The following PLD5 variants were observed in gnomAD, a reference collection of about 807,000 sequenced individuals.
PLD5 encodes phospholipase D family member 5, also known as inactive phospholipase D5.
A neutral mutation model predicts 61.1 loss-of-function variants in PLD5; 36 were observed. That is an observed-to-expected ratio of 0.59 (90% CI 0.45 to 0.78). The LOEUF is 0.78. Ranked by LOEUF, PLD5 falls within the 30% of genes least tolerant of loss-of-function variation. The pLI, the probability that PLD5 is intolerant of heterozygous loss-of-function variation, is 0.00. For missense variants in PLD5, 515 were observed against 644.4 expected (o/e 0.80, Z 2.17); for synonymous variants, 243 against 242.8 (o/e 1.00, Z -0.01).
chr1:242,274,174 A>C (rs1674274732), intron 3 of PLD5, among the ~76,000 whole-genome samples: 1 of 152,266 alleles, frequency 6.6e-6, no homozygotes, highest in African/African-American at 2.4e-5. Flanking sequence ...AAAAGATACT[A>C]CAAAGTTAAT....
chr1:242,085,257 A>G lies in PLD5; in HGVS notation c.*4597T>C, dbSNP rs191298944. 31 of 152,296 alleles carry G rather than the reference A, an allele frequency of 2.0e-4. No individual in the cohort carries two copies. Among genetic ancestry groups the G allele is most frequent in the Admixed American group, 1.8e-3 (28 of 15,300 alleles). 9.4% of individuals were successfully genotyped at this position (152,296 alleles called of 1,614,324 possible). A position where few individuals can be genotyped will look rare whatever the true frequency, so the allele number is the denominator to read the frequency against. ...GTAACTTTTTTTTTTCAAATTGCCA[A>G]AAGAAGCGTTAATGACCAGTGAAGT... is the stretch of plus-strand genomic sequence containing the variant. On this transcript the variant is annotated 3_prime_UTR_variant, in exon 10 of 10. Transcript: ENST00000536534.
chr1:242,230,137 T>C (rs1235584315), intron 4 of PLD5, among the ~76,000 whole-genome samples: 2 of 152,176 alleles, frequency 1.3e-5, no homozygotes. Context: ...CTCACAATGT[T>C]GACAGCTTCA....
intron 5 of PLD5, among the ~76,000 whole-genome samples, chr1:242,181,105 A>ATGCTGAGAACCACT (rs1667489834): frequency 6.6e-6 from 1 of 152,232 alleles, no homozygotes; most frequent in South Asian, 2.1e-4. Flanking sequence ...GCTAGAAGTC[A>ATGCTGAGAACCACT]GTGCTTCTAG....
intron 1 of PLD5, among the ~76,000 whole-genome samples, chr1:242,440,049 AT>A (rs1666200824): frequency 1.3e-5 from 2 of 152,208 alleles, no homozygotes; most frequent in South Asian, 4.1e-4. Flanking sequence ...ACCATACATA[AT>A]AATTGGAAAC....
chr1:242,118,298 C>T (rs1558239442), intron 6 of PLD5, among the ~76,000 whole-genome samples: 1 of 152,156 alleles, frequency 6.6e-6, no homozygotes, highest in African/African-American at 2.4e-5. Context: ...AATGAATGGC[C>T]TGTTTGCTGG....
chr1:242,434,227 A>G (rs1430427598), intron 1 of PLD5, among the ~76,000 whole-genome samples: 1 of 152,242 alleles, frequency 6.6e-6, no homozygotes, highest in Non-Finnish European at 1.5e-5. Context: ...GATGGCGGTC[A>G]GTTTCTGGAT....
chr1:242,394,833 AAT>A (rs199779933), intron 1 of PLD5, among the ~76,000 whole-genome samples: 6 of 127,802 alleles, frequency 4.7e-5, no homozygotes, highest in Non-Finnish European at 9.4e-5. Context: ...CATATATGTG[AAT>A]ATATATACAT....
intron 6 of PLD5, among the ~76,000 whole-genome samples, chr1:242,121,788 G>A (rs1662383671): frequency 6.6e-6 from 1 of 152,234 alleles, no homozygotes; most frequent in East Asian, 1.9e-4. Context: ...CACATCCTTT[G>A]TAGGGACATG....
chr1:242,123,301 A>G (rs1662527354), intron 6 of PLD5, among the ~76,000 whole-genome samples: 1 of 152,214 alleles, frequency 6.6e-6, no homozygotes, highest in Non-Finnish European at 1.5e-5. Flanking sequence ...AGACCAAAAC[A>G]CTTTGAATAT....
chr1:242,378,330 A>G (rs1292023309), intron 1 of PLD5, among the ~76,000 whole-genome samples: 1 of 152,156 alleles, frequency 6.6e-6, no homozygotes, highest in Admixed American at 6.5e-5. Context: ...AAAAAAGTAG[A>G]ACAGTGATTA....
intron 5 of PLD5, among the ~76,000 whole-genome samples, chr1:242,148,910 C>T (rs1574396020): frequency 6.6e-6 from 1 of 151,852 alleles, no homozygotes; most frequent in African/African-American, 2.4e-5. Flanking sequence ...GTTTTAGTAA[C>T]TTTTTAATAG....
intron 5 of PLD5, among the ~76,000 whole-genome samples, chr1:242,186,307 C>T (rs945650368): frequency 1.3e-5 from 2 of 152,006 alleles, no homozygotes; most frequent in African/African-American, 2.4e-5. Context: ...CTCAGCCTCC[C>T]GAGTAGCTGG....
chr1:242,430,432 C>T (rs1315963754), intron 1 of PLD5, among the ~76,000 whole-genome samples: 1 of 152,160 alleles, frequency 6.6e-6, no homozygotes, highest in Non-Finnish European at 1.5e-5. Context: ...GCCCCACCCT[C>T]ATGACATCAT....
chr1:242,310,205 T>G (rs1340401972), intron 2 of PLD5, among the ~76,000 whole-genome samples: 2 of 152,130 alleles, frequency 1.3e-5, no homozygotes, highest in East Asian at 1.9e-4. Context: ...CATTCTGGTC[T>G]CATGTTCCCT....
intron 5 of PLD5, among the ~76,000 whole-genome samples, chr1:242,146,479 C>G (rs10803017): frequency 0.35 from 52,763 of 151,898 alleles, 9,333 homozygotes; most frequent in African/African-American, 0.36. Context: ...CCTAAAAAAA[C>G]CCTACCTTAA....
Position 242,215,222 on chromosome 1 carries a change from T to C in PLD5, c.735+4766A>G, listed in dbSNP as rs1160979130. ...TCTTTTAACTTTTGCATTTATATGA[T>C]GGCCCACAAAAATTAAAACTGATAA... On this transcript the variant is annotated intron_variant, in intron 5 of 9. Coordinates refer to ENST00000536534, the MANE Select transcript of PLD5 (RefSeq NM_001372062.1). 1.3e-3 allele frequency among the ~76,000 whole-genome samples: 192 copies of C among 151,704 alleles called. 6 individuals are homozygous for C. The highest frequency in any genetic ancestry group is 0.012 in the Admixed American group (181 of 14,882).
intron 8 of PLD5, among the ~76,000 whole-genome samples, chr1:242,106,401 A>C (rs1050420824): frequency 6.6e-6 from 1 of 152,182 alleles, no homozygotes; most frequent in African/African-American, 2.4e-5. Context: ...AGGGTTCTCT[A>C]TGAGGCAAGA....
chr1:242,388,734 A>T lies in PLD5; in HGVS notation c.190-40492T>A, dbSNP rs1470770470. ...GAGATTGGGAGGCCGTGGTGGGTGGATCACGAGGTCAGGAGTTCAAGACCA... is the reference window on the plus strand; with the variant it reads ...GAGATTGGGAGGCCGTGGTGGGTGGTTCACGAGGTCAGGAGTTCAAGACCA... On this transcript the variant is annotated intron_variant, in intron 1 of 9. Coordinates refer to ENST00000536534, the MANE Select transcript of PLD5 (RefSeq NM_001372062.1). 2.0e-5 allele frequency among the ~76,000 whole-genome samples: 3 copies of T among 152,232 alleles called. No individual in the cohort carries two copies. The East Asian group carries it at 5.8e-4, about 29-fold the overall frequency.
intron 1 of PLD5, among the ~76,000 whole-genome samples, chr1:242,495,204 C>T (rs1361300550): frequency 6.6e-6 from 1 of 152,032 alleles, no homozygotes; most frequent in Non-Finnish European, 1.5e-5. Flanking sequence ...TTGACAAAGT[C>T]CTCTCCAATC....
Sources: allele counts gnomAD v4.1 joint callset (sites outside exome capture counted in the v4.1 genomes callset), GRCh38; gene constraint gnomAD v4.1.1; transcripts MANE v1.5; gene names NCBI Gene and HGNC (gene_info 2026-07-23, HGNC 2026-07-21).